The following LONRF3 variants were observed in gnomAD, a reference collection of about 807,000 sequenced individuals.
The protein encoded by LONRF3 is LON peptidase N-terminal domain and ring finger 3, also known as LON peptidase N-terminal domain and RING finger protein 3.
In LONRF3, 19 loss-of-function variants were observed where a neutral mutation model predicts 51.7. The ratio of observed to expected loss-of-function variants is 0.37; its 90% CI spans 0.26 to 0.54. The LOEUF (loss-of-function observed/expected upper bound fraction) is 0.54, where lower values mean the gene tolerates loss of function less well. Ranked by LOEUF, LONRF3 falls within the 20% of genes least tolerant of loss-of-function variation. The pLI, the probability that LONRF3 is intolerant of heterozygous loss-of-function variation, is 0.86. For synonymous variants in LONRF3, 265 were observed against 257.8 expected (o/e 1.03, Z -0.27); for missense variants, 521 against 623.9 (o/e 0.84, Z 1.76).
intron 7 of LONRF3, among the ~76,000 whole-genome samples, chrX:119,011,161 G>C (rs1174744746): frequency 9.2e-6 from 1 of 109,059 alleles, no homozygotes; most frequent in Non-Finnish European, 1.9e-5. Flanking sequence ...CCCAATTCCA[G>C]AGCTAATGCA....
rs112931047 is a variant in LONRF3, at chrX:118,998,170, A to G, written c.1415+7610A>G. ...ATTCAAGAAAGATACTTGCACATGC[A>G]TGTTTATGGCAACACATTCACAATT... On this transcript the variant is annotated intron_variant, in intron 5 of 10. Transcript: ENST00000371628. 3.7e-3 allele frequency among the ~76,000 whole-genome samples: 308 copies of G among 82,788 alleles called. 2 individuals carry two copies. The highest frequency in any genetic ancestry group is 0.018 in the African/African-American group (294 of 16,489). The allele number at this position is 82,788 out of a possible 115,157, so 71.9% of individuals were successfully genotyped here.
intron 10 of LONRF3, among the ~76,000 whole-genome samples, chrX:119,015,131 A>G (rs1328293524): frequency 9.0e-6 from 1 of 111,672 alleles, no homozygotes; most frequent in Non-Finnish European, 1.9e-5. Context: ...TCTTTCTAGG[A>G]TAAGGCTGGA....
rs960550567 is a variant in LONRF3 at position 118,978,405 on chromosome X, A to C, written c.878A>C (p.His293Pro). The change falls in exon 2 of 11, where the codon CAT (histidine) becomes CCT (proline). Residue 293 changes from histidine (H) to proline (P), a missense_variant. By Grantham distance (77) the His-to-Pro change is moderately conservative. Transcript: ENST00000371628. The part of the protein sequence containing the change: ...RSQIYFTLES[H>P]ENALHDAEIA... ...CAGATTTATTTCACCTTGGAGTCTC[A>C]TGAGAATGCACTGCATGATGCAGAA... is the stretch of plus-strand genomic sequence containing the variant. 8.3e-7 allele frequency: 1 copy of C among 1,208,786 alleles called. No homozygotes were observed. The highest frequency in any genetic ancestry group is 1.1e-6 in the Non-Finnish European group (1 of 893,159).
intron 5 of LONRF3, among the ~76,000 whole-genome samples, chrX:118,997,577 G>T (rs1186171629): frequency 8.9e-6 from 1 of 112,283 alleles, no homozygotes; most frequent in Non-Finnish European, 1.9e-5. Flanking sequence ...TCATGACCGA[G>T]AACCGAAAAG....
intron 3 of LONRF3, chrX:118,987,015 T>C: frequency 8.7e-7 from 1 of 1,152,604 alleles, no homozygotes; most frequent in Non-Finnish European, 1.1e-6. Flanking sequence ...TCACCCTAGA[T>C]TAAAGGAAAA....
chrX:119,009,174 A>G lies in LONRF3; in HGVS notation c.1579A>G (p.Ile527Val), dbSNP rs1187645993. Reference sequence around the variant, plus strand: ...CAAAAATGTAATAATGGAGGAGCTCATAGCTAAATTCCTTCCAGAAGAACT... The same window carrying G: ...CAAAAATGTAATAATGGAGGAGCTCGTAGCTAAATTCCTTCCAGAAGAACT... Reference protein sequence around the residue: ...YSKNVIMEELIAKFLPEELKE... With the variant: ...YSKNVIMEELVAKFLPEELKE... The change falls in exon 7 of 11, where the codon ATA becomes GTA. Residue 527 changes from isoleucine (I) to valine (V), a missense_variant. By Grantham distance (29) the Ile-to-Val change is conservative (BLOSUM62 3). This residue lies in a region of LONRF3 where 145 missense variants were observed against 247.2 expected (regional missense o/e 0.59). Transcript: ENST00000371628. The G allele has an allele frequency of 8.3e-7, 1 of 1,209,239 alleles. No homozygotes were observed. The highest frequency in any genetic ancestry group is 1.7e-5 in the African/African-American group (1 of 57,248).
At chrX:118,977,679 A>C (rs749016105) in intron 1 of LONRF3, among the ~76,000 whole-genome samples, 13 of 112,078 alleles carry the variant, frequency 1.2e-4, no homozygotes, top group Non-Finnish European at 2.3e-4. Flanking sequence ...ATTGAGCCAG[A>C]TAATCTCTAA....
At position 119,013,112 on chromosome X, in the gene LONRF3, A is replaced by G; in HGVS notation, c.1885A>G (p.Ser629Gly). 8.2e-7 allele frequency: 1 copy of G among 1,212,334 alleles called. No individual in the cohort carries two copies. Among genetic ancestry groups the G allele is most frequent in the Non-Finnish European group, 1.1e-6 (1 of 895,598 alleles). Residue 629 changes from serine (S) to glycine (G), a missense_variant, in exon 9 of 11, where the codon AGC becomes GGC. By Grantham distance (56) the Ser-to-Gly change is moderately conservative. Around this residue, in one of 2 missense-constraint regions of LONRF3, gnomAD observed 145 missense variants for 247.2 expected, o/e 0.59. Transcript: ENST00000371628. ...TGCTGATGGCCGCTCAGTGGTTGAC[A>G]GCATAGGCAAGAGGCGCTTCAGGGT... ...FFADGRSVVDSIGKRRFRVLH... is the reference protein window; with the variant it reads ...FFADGRSVVDGIGKRRFRVLH...
At chrX:119,005,306 A>G (rs375359807) in intron 5 of LONRF3, among the ~76,000 whole-genome samples, 9 of 111,903 alleles carry the variant, frequency 8.0e-5, no homozygotes, top group African/African-American at 2.9e-4. Flanking sequence ...CCTTTTTTTA[A>G]GCAAAGCAAA....
intron 10 of LONRF3, 107 bp downstream of exon 10, chrX:119,014,463 G>A: frequency 1.4e-6 from 1 of 732,245 alleles, no homozygotes; most frequent in Non-Finnish European, 2.0e-6. Context: ...CGAATGCAGA[G>A]AGGAAGATGG....
chrX:119,003,980 CGTGT>C (rs59700507), intron 5 of LONRF3, among the ~76,000 whole-genome samples: 4,058 of 110,754 alleles, frequency 0.037, 208 homozygotes, highest in African/African-American at 0.13. Flanking sequence ...TGTGTGTGCA[CGTGT>C]GTGTGTATTT....
rs10669908 is a variant in LONRF3 at position 118,981,483 on chromosome X, C to CA, written c.937-1322dup. ...TGGGTGACAGAGCAAGATTCTATCT[C>CA]AAAAAAAAAAAAAAAAGAGTATATG... On this transcript the variant is annotated intron_variant, in intron 2 of 10. Transcript: ENST00000371628. 5.9e-3 allele frequency among the ~76,000 whole-genome samples: 447 copies of CA among 76,020 alleles called. 20 individuals carry two copies. Among genetic ancestry groups the CA allele is most frequent in the Middle Eastern group, 0.015 (2 of 134 alleles). 66.0% of individuals were successfully genotyped at this position (76,020 alleles called of 115,157 possible).
In LONRF3 at chrX:119,013,434, T is replaced by C. The variant is rs184736161; in HGVS notation, c.1974+233T>C. Among the ~76,000 whole-genome samples, 201 of 112,434 alleles carry C rather than the reference T, an allele frequency of 1.8e-3. 2 individuals carry two copies. Among genetic ancestry groups the C allele is most frequent in the African/African-American group, 6.3e-3 (196 of 30,953 alleles). On this transcript the variant is annotated intron_variant, in intron 9 of 10. Coordinates refer to ENST00000371628, the MANE Select transcript of LONRF3 (RefSeq NM_001031855.3). ...GAGTTGCATTCATGCATAGGAAATG[T>C]TATCCTAGATCAACCCTGGGGCTCA... is the stretch of plus-strand genomic sequence containing the variant.
At chrX:118,994,091 G>A (rs1923632637) in intron 5 of LONRF3, among the ~76,000 whole-genome samples, 2 of 111,923 alleles carry the variant, frequency 1.8e-5, no homozygotes, top group African/African-American at 6.5e-5. Context: ...AAATCACATA[G>A]GACCTATAAA....
chrX:118,985,696 A>G (rs1603248118), intron 3 of LONRF3, among the ~76,000 whole-genome samples: 2 of 111,497 alleles, frequency 1.8e-5, no homozygotes, highest in East Asian at 5.6e-4. Flanking sequence ...TCAAGATGCT[A>G]TATTATGGTG....
At chrX:119,016,372 G>A (rs1427828587) in intron 10 of LONRF3, among the ~76,000 whole-genome samples, 4 of 87,088 alleles carry the variant, frequency 4.6e-5, no homozygotes, top group South Asian at 5.9e-4. Context: ...TTTTTGAGAC[G>A]GAGTCTTGCT....
chrX:118,976,423 TGAA>T (rs1922060130), intron 1 of LONRF3: 1 of 113,554 alleles, frequency 8.8e-6, no homozygotes, highest in African/African-American at 3.2e-5. Flanking sequence ...GATCCTCGGC[TGAA>T]ATAGATGCCC....
At chrX:118,995,751 A>C (rs1330810780) in intron 5 of LONRF3, among the ~76,000 whole-genome samples, 1 of 112,200 alleles carries the variant, frequency 8.9e-6, no homozygotes, top group Non-Finnish European at 1.9e-5. Flanking sequence ...AGAGATGGAT[A>C]TATTCCTAGA....
chrX:118,984,931 G>A (rs760727904), intron 3 of LONRF3, among the ~76,000 whole-genome samples: 14 of 112,184 alleles, frequency 1.2e-4, no homozygotes, highest in African/African-American at 3.6e-4. Context: ...CTCACAGGCT[G>A]TGTTTCTTTT....
Sources: allele counts gnomAD v4.1 joint callset (sites outside exome capture counted in the v4.1 genomes callset), GRCh38; gene constraint gnomAD v4.1.1; regional missense constraint gnomAD v4.1.1; transcripts MANE v1.5; gene names NCBI Gene and HGNC (gene_info 2026-07-23, HGNC 2026-07-21).